CBLB: variants seen among roughly 807,000 people sequenced by gnomAD.
The protein encoded by CBLB is Cbl proto-oncogene B.
CBLB carries 31 observed loss-of-function variants against 104.9 expected under a neutral mutation model. That is an observed-to-expected ratio of 0.30 (90% confidence interval 0.22 to 0.40). CBLB has a LOEUF of 0.40. Among genes scored for constraint, CBLB ranks in the 10% least tolerant of loss-of-function variants. CBLB has a pLI of 1.00. For missense variants in CBLB, 1,062 were observed against 1,214.6 expected, an observed-to-expected ratio of 0.87 and a Z score of 1.87; for synonymous variants, 440 against 422.6, an observed-to-expected ratio of 1.04 and a Z score of -0.51.
At chr3:105,816,569 A>G (rs1202754421) in intron 3 of CBLB, among the ~76,000 whole-genome samples, 2 of 152,210 alleles carry the variant, frequency 1.3e-5, no homozygotes, top group Admixed American at 6.5e-5. Flanking sequence ...GCACTCCAGA[A>G]AGTAGTTTAC....
At chr3:105,705,060 T>A (rs1247351420) in intron 10 of CBLB, among the ~76,000 whole-genome samples, 1 of 152,180 alleles carries the variant, frequency 6.6e-6, no homozygotes, top group Non-Finnish European at 1.5e-5. Flanking sequence ...TCTAAGTTAC[T>A]AGCTCTTTGA....
intron 13 of CBLB, among the ~76,000 whole-genome samples, chr3:105,687,747 GA>G (rs2067186955): frequency 6.6e-6 from 1 of 150,608 alleles, no homozygotes; most frequent in African/African-American, 2.4e-5. Flanking sequence ...TAAACCAAAA[GA>G]ATAACATTAC....
chr3:105,740,581 T>C lies in CBLB; in HGVS notation c.896A>G (p.Tyr299Cys). 6.2e-7 allele frequency: 1 copy of C among 1,614,034 alleles called. No individual in the cohort carries two copies. The highest frequency in any genetic ancestry group is 8.5e-7 in the Non-Finnish European group (1 of 1,179,896). The change falls in exon 7 of 19, where the codon TAT becomes TGT. Residue 299 changes from tyrosine to cysteine, a missense_variant. Physicochemically the swap from Tyr to Cys is radical, Grantham distance 194 (BLOSUM62 -2). Around this residue, in one of 2 missense-constraint regions of CBLB, gnomAD observed 457 missense variants for 632.0 expected, o/e 0.72. Transcript: ENST00000394030. ...TAAGATATTCCCATCCCCAGTCACA[T>C]AGCCAATGGCCCACTGTCCCAATCG... Reference protein sequence around the residue: ...CTRLGQWAIGYVTGDGNILQT... With the variant: ...CTRLGQWAIGCVTGDGNILQT...
chr3:105,660,026 C>G (rs900790818), intron 18 of CBLB, among the ~76,000 whole-genome samples: 5 of 152,076 alleles, frequency 3.3e-5, no homozygotes, highest in African/African-American at 9.7e-5. Context: ...CAATTTAAAC[C>G]AATGACATTG....
chr3:105,841,524 C>T (rs1438552839), intron 3 of CBLB, among the ~76,000 whole-genome samples: 1 of 150,350 alleles, frequency 6.7e-6, no homozygotes, highest in African/African-American at 2.4e-5. Context: ...GTGATCTCGG[C>T]TCACTGCAAG....
chr3:105,807,589 A>G (rs902939689), intron 3 of CBLB, among the ~76,000 whole-genome samples: 2 of 152,292 alleles, frequency 1.3e-5, no homozygotes, highest in Middle Eastern at 6.8e-3. Context: ...AGTTGGATAT[A>G]ATCATACATT....
chr3:105,761,758 C>T (rs4321559), intron 4 of CBLB, among the ~76,000 whole-genome samples: 37,510 of 151,872 alleles, frequency 0.25, 4,830 homozygotes, highest in Non-Finnish European at 0.28. Flanking sequence ...GTAAAGATAC[C>T]CAAAAACTGT....
intron 2 of CBLB, among the ~76,000 whole-genome samples, chr3:105,855,285 G>T (rs1480227556): frequency 6.6e-6 from 1 of 152,110 alleles, no homozygotes; most frequent in Admixed American, 6.5e-5. Context: ...AGAGAAGAAG[G>T]TCAAAGAGTA....
intron 4 of CBLB, among the ~76,000 whole-genome samples, chr3:105,769,036 G>A (rs1040123172): frequency 9.9e-5 from 15 of 152,164 alleles, no homozygotes; most frequent in Non-Finnish European, 1.8e-4. Context: ...TATTGCCGCC[G>A]GGCGTGATGG....
chr3:105,670,248 G>T lies in CBLB; in HGVS notation c.2674C>A (p.Leu892Ile), dbSNP rs770102636. Residue 892 changes from leucine to isoleucine, a missense_variant, in exon 18 of 19, where the codon CTT (leucine) becomes ATT (isoleucine). Coordinates refer to ENST00000394030, the MANE Select transcript of CBLB (RefSeq NM_170662.5). The part of the protein sequence containing the change: ...TNRTSQDYDQ[L>I]PSCSDGSQAP... ...GCCAACTCACCTGAACATGAAGGAA[G>T]CTGATCATAGTCCTGTGATGTTCTG... 6.2e-7 allele frequency: 1 copy of T among 1,613,062 alleles called. No individual in the cohort carries two copies. Among genetic ancestry groups the T allele is most frequent in the Non-Finnish European group, 8.5e-7 (1 of 1,179,186 alleles).
intron 4 of CBLB, among the ~76,000 whole-genome samples, chr3:105,773,622 A>G (rs1280119372): frequency 6.6e-6 from 1 of 152,140 alleles, no homozygotes; most frequent in Non-Finnish European, 1.5e-5. Flanking sequence ...CGCTAGTAAT[A>G]TATTTTTCGA....
intron 18 of CBLB, among the ~76,000 whole-genome samples, chr3:105,664,575 T>C (rs886857619): frequency 3.3e-5 from 5 of 152,170 alleles, no homozygotes; most frequent in African/African-American, 4.8e-5. Flanking sequence ...TTCTCTGTAA[T>C]TTCCTTTTAT....
Position 105,657,424 on chromosome 3 carries a change from A to G in CBLB, c.*1546T>C, listed in dbSNP as rs1187679275. The stretch of plus-strand genomic sequence containing the variant: ...CAAGCATTTACACAGAGATGATTTT[A>G]TCTCATTTCTCCATTAATTTCCCAT... On this transcript the variant is annotated 3_prime_UTR_variant, in exon 19 of 19. Coordinates refer to ENST00000394030, the MANE Select transcript of CBLB (RefSeq NM_170662.5). 9.4e-6 allele frequency: 2 copies of G among 213,192 alleles called. No individual in the cohort carries two copies. Among genetic ancestry groups the G allele is most frequent in the Non-Finnish European group, 1.9e-5 (2 of 105,450 alleles). 13.2% of individuals were successfully genotyped at this position (213,192 alleles called of 1,614,324 possible).
chr3:105,788,454 C>CA (rs916641369), intron 3 of CBLB, among the ~76,000 whole-genome samples: 5 of 151,738 alleles, frequency 3.3e-5, no homozygotes, highest in South Asian at 2.1e-4. Flanking sequence ...AAAGAAGTCA[C>CA]AAAAAAAATC....
chr3:105,780,653 G>GTTTTTTT (rs1245925965), intron 3 of CBLB, among the ~76,000 whole-genome samples: 110 of 84,654 alleles, frequency 1.3e-3, no homozygotes, highest in South Asian at 2.9e-3. Context: ...TAAAAGTTTT[G>GTTTTTTT]TTTTTTGTTT....
chr3:105,757,681 G>T (rs939225729), intron 4 of CBLB, among the ~76,000 whole-genome samples: 17 of 152,212 alleles, frequency 1.1e-4, no homozygotes, highest in Admixed American at 1.1e-3. Flanking sequence ...CTAAAAATCA[G>T]ATACATGGGA....
At position 105,670,344 on chromosome 3, in the gene CBLB, C is replaced by T; in HGVS notation, c.2578G>A (p.Val860Ile). ...GGAACTTGGCCACTTGCTAGATCAACAAAGGGATCTTAAAAATAAAAACAA... is the reference window on the plus strand; with the variant it reads ...GGAACTTGGCCACTTGCTAGATCAATAAAGGGATCTTAAAAATAAAAACAA... ...DLFLLPSDPF[V>I]DLASGQVPLP... The change falls in exon 18 of 19, where the codon GTT (valine) becomes ATT (isoleucine). Residue 860 changes from valine (V) to isoleucine (I), a missense_variant. Physicochemically the swap from Val to Ile is conservative, Grantham distance 29. Around this residue, in one of 2 missense-constraint regions of CBLB, gnomAD observed 605 missense variants for 582.6 expected, o/e 1.04. Coordinates refer to ENST00000394030, the MANE Select transcript of CBLB (RefSeq NM_170662.5). 6.2e-7 allele frequency: 1 copy of T among 1,610,994 alleles called. No homozygotes were observed. Among genetic ancestry groups the T allele is most frequent in the Non-Finnish European group, 8.5e-7 (1 of 1,177,626 alleles).
rs142353439 is a variant in CBLB, at chr3:105,819,322, A to G, written c.419+34092T>C. 8.3e-4 allele frequency among the ~76,000 whole-genome samples: 127 copies of G among 152,218 alleles called. 1 individual carries two copies. Among genetic ancestry groups the G allele is most frequent in the African/African-American group, 3.0e-3 (125 of 41,524 alleles). The stretch of plus-strand genomic sequence containing the variant: ...GCCAACACTGTAAGACCCTGTCTCC[A>G]ATAAAAATGCGAAAATTAGCCAGGC... On this transcript the variant is annotated intron_variant, in intron 3 of 18. Transcript: ENST00000394030.
chr3:105,690,665 TA>T (rs1447198726), intron 13 of CBLB, among the ~76,000 whole-genome samples: 2 of 151,508 alleles, frequency 1.3e-5, no homozygotes, highest in Non-Finnish European at 2.9e-5. Flanking sequence ...CCACTAAAAA[TA>T]AAAAAATTAG....
Sources: gnomAD v4.1 joint callset for allele counts (sites outside exome capture counted in the v4.1 genomes callset) on GRCh38, gnomAD v4.1.1 for gene constraint, gnomAD v4.1.1 regional missense constraint, MANE v1.5 for transcripts, NCBI Gene and HGNC (gene_info 2026-07-23, HGNC 2026-07-21) for gene names.